The following PHC1 variants were observed in gnomAD, a reference collection of about 807,000 sequenced individuals.
The protein encoded by PHC1 is polyhomeotic homolog 1, also known as polyhomeotic-like protein 1.
In PHC1, 12 loss-of-function variants were observed where a neutral mutation model predicts 104.3. The observed-to-expected ratio is 0.12, with a 90% CI of 0.07 to 0.19. The LOEUF is 0.19. Ranked by LOEUF, PHC1 falls within the 10% of genes least tolerant of loss-of-function variation. The pLI is 1.00. For missense variants in PHC1, 671 were observed against 1,200.0 expected, an observed-to-expected ratio of 0.56 and a Z score of 6.51; for synonymous variants, 302 against 455.8, an observed-to-expected ratio of 0.66 and a Z score of 4.30.
rs1251549146 is a variant in PHC1, at chr12:8,914,581, G to T, written c.-295G>T. ...GCAGGAAGTGACAGGCCCGGAGCGA[G>T]CCCCGGAGGCCTGGCTGAGCCGCGG... On this transcript the variant is annotated 5_prime_UTR_variant, in exon 1 of 15. Coordinates refer to ENST00000544916, the MANE Select transcript of PHC1 (RefSeq NM_004426.3). The T allele has an allele frequency of 6.6e-6, 1 of 151,134 alleles. No homozygotes were observed. The highest frequency in any genetic ancestry group is 2.4e-5 in the African/African-American group (1 of 41,298). 9.4% of individuals were successfully genotyped at this position (151,134 alleles called of 1,614,324 possible).
At position 8,932,773 on chromosome 12, in the gene PHC1, A is replaced by G. The variant is rs966997332; in HGVS notation, c.1316A>G (p.Gln439Arg). 6.3e-7 allele frequency: 1 copy of G among 1,589,104 alleles called. No individual in the cohort carries two copies. Among genetic ancestry groups the G allele is most frequent in the African/African-American group, 1.3e-5 (1 of 74,298 alleles). The change falls in exon 8 of 15, where the codon CAG (glutamine) becomes CGG (arginine). Residue 439 changes from glutamine to arginine, a missense_variant. Gln to Arg is a conservative substitution (Grantham distance 43, BLOSUM62 1). Coordinates refer to ENST00000544916, the MANE Select transcript of PHC1 (RefSeq NM_004426.3). ...QQQQQQQQQQQPQATTLTAPQ... is the reference protein window; with the variant it reads ...QQQQQQQQQQRPQATTLTAPQ... ...CAACAGCAACAGCAGCAACAGCAGC[A>G]GCCGCAAGCCACCACCCTCACTGCC...
At chr12:8,921,777 C>T in intron 5 of PHC1, 27 bp downstream of exon 5, 1 of 1,553,314 alleles carries the variant, frequency 6.4e-7, no homozygotes, top group African/African-American at 1.4e-5. Context: ...GTCACCATTG[C>T]CCCAGAGGCA....
rs1945780718 is a variant in PHC1, at chr12:8,934,546, C to G, written c.2253+68C>G. The G allele has an allele frequency of 3.1e-5, 35 of 1,119,118 alleles. No individual in the cohort carries two copies. The South Asian group carries it at 4.7e-4, about 15-fold the overall frequency. 69.3% of individuals were successfully genotyped at this position (1,119,118 alleles called of 1,614,324 possible). A position where few individuals can be genotyped will look rare whatever the true frequency, so the allele number is the denominator to read the frequency against. On this transcript the variant is annotated intron_variant, in intron 10 of 14. Transcript: ENST00000544916. ...GGTCTGATTGTTGTCTTTTCAAACTCCAGTAAAAGTAAAAGGCACAGAACT... is the reference window on the plus strand; with the variant it reads ...GGTCTGATTGTTGTCTTTTCAAACTGCAGTAAAAGTAAAAGGCACAGAACT...
chr12:8,941,442 A>T lies in PHC1; in HGVS notation c.*1983A>T, dbSNP rs1345091095. The T allele has an allele frequency of 5.4e-6, 1 of 185,540 alleles. No individual in the cohort carries two copies. Among genetic ancestry groups the T allele is most frequent in the African/African-American group, 2.4e-5 (1 of 42,214 alleles). The allele number at this position is 185,540 out of a possible 1,614,324, so 11.5% of individuals were successfully genotyped here. On this transcript the variant is annotated 3_prime_UTR_variant, in exon 15 of 15. Transcript: ENST00000544916. ...AATGTTTCTTGGCATTTTTTTTTTAATTAAAGAAATCCAGTGTCTCAAAAA... is the reference window on the plus strand; with the variant it reads ...AATGTTTCTTGGCATTTTTTTTTTATTTAAAGAAATCCAGTGTCTCAAAAA...
intron 13 of PHC1, 151 bp downstream of exon 13, chr12:8,937,477 C>T (rs1945872637): frequency 2.7e-6 from 2 of 743,020 alleles, no homozygotes; most frequent in Non-Finnish European, 4.3e-6. Flanking sequence ...AGATCCTGAC[C>T]CCCTTTGTCT....
chr12:8,916,107 G>A (rs1490710535), intron 1 of PHC1: 1 of 154,358 alleles, frequency 6.5e-6, no homozygotes, highest in Non-Finnish European at 1.5e-5. Context: ...TTTGGCAAAA[G>A]ATGTGGGGAG....
intron 6 of PHC1, 30 bp from the exon 7 acceptor site, chr12:8,930,405 T>C (rs1945648292): frequency 1.3e-6 from 2 of 1,594,138 alleles, no homozygotes; most frequent in Non-Finnish European, 1.7e-6. Flanking sequence ...CAGTCCTCCT[T>C]TTCTCAATCT....
chr12:8,920,874 T>A, intron 3 of PHC1, 111 bp from the exon 4 acceptor site: 1 of 693,842 alleles, frequency 1.4e-6, no homozygotes, highest in Non-Finnish European at 2.4e-6. Context: ...GGAATCTCCC[T>A]GTTTATAATG....
chr12:8,939,536 T>G lies in PHC1; in HGVS notation c.*77T>G. 1 of 767,650 alleles carries G rather than the reference T, an allele frequency of 1.3e-6. No individual in the cohort carries two copies. Among genetic ancestry groups the G allele is most frequent in the South Asian group, 1.9e-5 (1 of 52,130 alleles). 47.6% of individuals were successfully genotyped at this position (767,650 alleles called of 1,614,324 possible). Reference sequence around the variant, plus strand: ...GTTATAACCTGGTACCAGCAGACTTTGCAGGGAAGAAAGAGTTGTTCCAAT... The same window carrying G: ...GTTATAACCTGGTACCAGCAGACTTGGCAGGGAAGAAAGAGTTGTTCCAAT... On this transcript the variant is annotated 3_prime_UTR_variant, in exon 15 of 15. Transcript: ENST00000544916.
rs776426900 is a variant in PHC1 at position 8,921,756 on chromosome 12, C to A, written c.456+6C>A. Reference sequence around the variant, plus strand: ...AGGCCCAGATGTATCTACGGGTAAGCCACAGATGCAGTCACCATTGCCCCA... The same window carrying A: ...AGGCCCAGATGTATCTACGGGTAAGACACAGATGCAGTCACCATTGCCCCA... On this transcript the variant is annotated splice_donor_region_variant and intron_variant, in intron 5 of 14. Transcript: ENST00000544916. 8 of 1,588,310 alleles carry A rather than the reference C, an allele frequency of 5.0e-6. No homozygotes were observed. The highest frequency in any genetic ancestry group is 6.0e-6 in the Non-Finnish European group (7 of 1,169,068).
In PHC1 at chr12:8,932,609, A is replaced by T; in HGVS notation, c.1152A>T (p.Gln384His). The T allele has an allele frequency of 2.5e-6, 4 of 1,614,046 alleles. No homozygotes were observed. The highest frequency in any genetic ancestry group is 3.4e-6 in the Non-Finnish European group (4 of 1,179,880). ...CCCATTCACTGATTCAGCAACAGCA[A>T]CAGATCCACCTCCAGCAGAAACAGG... ...IQPHSLIQQQ[Q>H]QIHLQQKQVV... Residue 384 changes from glutamine (Q) to histidine (H), a missense_variant, in exon 8 of 15, where the codon CAA (glutamine) becomes CAT (histidine). Physicochemically the swap from Gln to His is conservative, Grantham distance 24. This residue lies in a region of PHC1 where 3 missense variants were observed against 16.1 expected (regional missense o/e 0.19). Coordinates refer to ENST00000544916, the MANE Select transcript of PHC1 (RefSeq NM_004426.3).
rs538384320 is a variant in PHC1, at chr12:8,918,332, A to T, written c.114+541A>T. 2.8e-4 allele frequency among the ~76,000 whole-genome samples: 42 copies of T among 152,372 alleles called. No individual in the cohort carries two copies. In the South Asian group the frequency reaches 8.5e-3, roughly 31 times the overall value. ...TTTCATTTCATAAATCTGTATTAGC[A>T]TACTGATATGTAAAAATGCCAATTA... On this transcript the variant is annotated intron_variant, in intron 2 of 14. Coordinates refer to ENST00000544916, the MANE Select transcript of PHC1 (RefSeq NM_004426.3).
intron 6 of PHC1, among the ~76,000 whole-genome samples, chr12:8,927,960 G>A (rs1945576605): frequency 7.2e-6 from 1 of 138,950 alleles, no homozygotes; most frequent in African/African-American, 2.7e-5. Context: ...AGGCTGGAGT[G>A]CTGTGGTGTG....
intron 6 of PHC1, among the ~76,000 whole-genome samples, chr12:8,927,774 A>G (rs922072548): frequency 6.6e-6 from 1 of 152,164 alleles, no homozygotes; most frequent in African/African-American, 2.4e-5. Context: ...ATTCTTGTCA[A>G]TATCTCTCAA....
chr12:8,924,860 A>T (rs907219449), intron 6 of PHC1, among the ~76,000 whole-genome samples: 1 of 152,200 alleles, frequency 6.6e-6, no homozygotes, highest in African/African-American at 2.4e-5. Context: ...CTTAGGAAGA[A>T]CTATAGGGAG....
Position 8,930,835 on chromosome 12 carries a change from A to G in PHC1, c.1013A>G (p.Lys338Arg). Reference protein sequence around the residue: ...QTEAESAAAKKAEADGSGQQN... With the variant: ...QTEAESAAAKRAEADGSGQQN... ...GAGGCAGAAAGTGCAGCAGCCAAGA[A>G]GGCAGAAGCAGATGGGAGTGGCCAG... Residue 338 changes from lysine (K) to arginine (R), a missense_variant, in exon 7 of 15, where the codon AAG becomes AGG. This residue lies in a region of PHC1 where 78 missense variants were observed against 140.8 expected (regional missense o/e 0.55). Transcript: ENST00000544916. 6.5e-7 allele frequency: 1 copy of G among 1,530,928 alleles called. No homozygotes were observed. The highest frequency in any genetic ancestry group is 1.7e-4 in the Middle Eastern group (1 of 5,750). The allele number at this position is 1,530,928 out of a possible 1,614,324, so 94.8% of individuals were successfully genotyped here.
At chr12:8,926,135 A>G (rs1945505147) in intron 6 of PHC1, among the ~76,000 whole-genome samples, 1 of 152,226 alleles carries the variant, frequency 6.6e-6, no homozygotes, top group Admixed American at 6.5e-5. Context: ...AGTTTTGGAC[A>G]TGCAGACCTA....
intron 6 of PHC1, among the ~76,000 whole-genome samples, chr12:8,925,786 A>G (rs1357332856): frequency 6.6e-6 from 1 of 152,142 alleles, no homozygotes; most frequent in Non-Finnish European, 1.5e-5. Context: ...TAAATATGGA[A>G]GTGTCATAGA....
At position 8,937,954 on chromosome 12, in the gene PHC1, A is replaced by G. The variant is rs1041955555; in HGVS notation, c.2754A>G (p.Thr918=). 22 of 1,602,668 alleles carry G rather than the reference A, an allele frequency of 1.4e-5. No individual in the cohort carries two copies. Among genetic ancestry groups the G allele is most frequent in the Middle Eastern group, 1.6e-4 (1 of 6,068 alleles). The change falls in exon 14 of 15, where the codon ACA becomes ACG. Residue 918 remains threonine, a synonymous_variant. Transcript: ENST00000544916. ...AACGTGACCTGGGGAATCCCAATAC[A>G]GCTCCACCTACACCGGAATTACATG... ...HGERDLGNPN[T]APPTPELHGI... is the part of the protein sequence containing the mutation.
Sources: allele counts gnomAD v4.1 joint callset (sites outside exome capture counted in the v4.1 genomes callset), GRCh38; gene constraint gnomAD v4.1.1; regional missense constraint gnomAD v4.1.1; transcripts MANE v1.5; gene names NCBI Gene and HGNC (gene_info 2026-07-23, HGNC 2026-07-21).